Variants in WDPCP observed in about 807,000 individuals in gnomAD.
WDPCP encodes WD repeat-containing and planar cell polarity effector protein fritz homolog.
A neutral mutation model predicts 93.1 loss-of-function variants in WDPCP; 71 were observed. That is an observed-to-expected ratio of 0.76 (90% CI 0.63 to 0.93). WDPCP has a LOEUF of 0.93. Ranked by LOEUF, WDPCP falls within the 40% of genes least tolerant of loss-of-function variation. The pLI is 0.00. For missense variants in WDPCP, 844 were observed against 887.4 expected, an observed-to-expected ratio of 0.95 and a Z score of 0.62; for synonymous variants, 315 against 315.0, an observed-to-expected ratio of 1.00 and a Z score of 0.00.
chr2:63,358,267 A>G (rs1352724635), intron 12 of WDPCP, among the ~76,000 whole-genome samples: 1 of 152,054 alleles, frequency 6.6e-6, no homozygotes, highest in Non-Finnish European at 1.5e-5. Flanking sequence ...TCATGGTTGT[A>G]TTTGCATTCT....
At chr2:63,590,299 A>G (rs1709161564), upstream of WDPCP, 1 of 152,162 alleles carries the variant, frequency 6.6e-6, no homozygotes, top group Non-Finnish European at 1.5e-5. Flanking sequence ...GAGTTTATCG[A>G]GACCCAAAGA....
At chr2:63,224,818 T>C (rs1678147960) in intron 14 of WDPCP, among the ~76,000 whole-genome samples, 1 of 151,944 alleles carries the variant, frequency 6.6e-6, no homozygotes, top group Admixed American at 6.6e-5. Flanking sequence ...ATATATGTCA[T>C]TGTACATATA....
intron 3 of WDPCP, among the ~76,000 whole-genome samples, chr2:63,641,656 TAG>T (rs1709981670): frequency 6.6e-6 from 1 of 152,150 alleles, no homozygotes; most frequent in Non-Finnish European, 1.5e-5. Flanking sequence ...TTTTTCCCTA[TAG>T]AGTTGTTTGA....
intron 2 of WDPCP, among the ~76,000 whole-genome samples, chr2:63,687,244 G>A (rs1434591541): frequency 1.3e-5 from 2 of 152,166 alleles, no homozygotes; most frequent in Non-Finnish European, 2.9e-5. Flanking sequence ...AAAACATTGA[G>A]GAAACTCTTC....
chr2:63,186,584 G>A (rs1038529266), intron 14 of WDPCP, among the ~76,000 whole-genome samples: 7 of 152,230 alleles, frequency 4.6e-5, no homozygotes, highest in Admixed American at 6.5e-5. Flanking sequence ...TAGAAGGGCC[G>A]AGGTAGTTTC....
intron 2 of WDPCP, among the ~76,000 whole-genome samples, chr2:63,749,478 C>A (rs1199368322): frequency 3.9e-5 from 6 of 152,010 alleles, no homozygotes; most frequent in African/African-American, 7.2e-5. Flanking sequence ...CATTTGAGTA[C>A]CCATACAACC....
At chr2:63,500,828 T>G (rs761078867) in intron 1 of WDPCP, among the ~76,000 whole-genome samples, 13 of 152,234 alleles carry the variant, frequency 8.5e-5, no homozygotes, top group Non-Finnish European at 2.9e-5. Flanking sequence ...GAGTATTACA[T>G]AACTAATTGT....
chr2:63,649,494 G>C (rs1381792330), intron 3 of WDPCP, among the ~76,000 whole-genome samples: 2 of 152,168 alleles, frequency 1.3e-5, no homozygotes, highest in South Asian at 2.1e-4. Flanking sequence ...ATTGTGAATA[G>C]TGATGCTATA....
intron 17 of WDPCP, among the ~76,000 whole-genome samples, chr2:63,149,218 G>A (rs1024443933): frequency 1.3e-5 from 2 of 152,064 alleles, no homozygotes; most frequent in African/African-American, 4.8e-5. Flanking sequence ...ATAGGAATAG[G>A]CATTTCAAGG....
At chr2:63,198,262 C>A (rs1229490771) in intron 14 of WDPCP, among the ~76,000 whole-genome samples, 5 of 152,170 alleles carry the variant, frequency 3.3e-5, no homozygotes, top group African/African-American at 1.2e-4. Flanking sequence ...TACAGATTTT[C>A]TGCTCATTTC....
intron 13 of WDPCP, among the ~76,000 whole-genome samples, chr2:63,282,792 C>T (rs1324188625): frequency 6.6e-6 from 1 of 152,120 alleles, no homozygotes; most frequent in Non-Finnish European, 1.5e-5. Flanking sequence ...TGTCTCATGA[C>T]TTCCCCCACC....
chr2:63,206,086 G>A (rs1290553164), intron 14 of WDPCP, among the ~76,000 whole-genome samples: 4 of 152,048 alleles, frequency 2.6e-5, no homozygotes, highest in East Asian at 1.9e-4. Flanking sequence ...ATGATCATAC[G>A]GCTTTTGTCT....
chr2:63,316,095 A>G (rs1375924769), intron 12 of WDPCP, among the ~76,000 whole-genome samples: 1 of 152,172 alleles, frequency 6.6e-6, no homozygotes, highest in Non-Finnish European at 1.5e-5. Context: ...AATTGGTGAA[A>G]TAAAAGTGCA....
chr2:63,644,537 C>T lies in WDPCP; in HGVS notation n.488+6122G>A, dbSNP rs545293696. Among the ~76,000 whole-genome samples, 15 of 152,224 alleles carry T rather than the reference C, an allele frequency of 9.9e-5. No individual in the cohort carries two copies. The East Asian group carries it at 1.7e-3, about 18-fold the overall frequency. On this transcript the variant is annotated intron_variant and non_coding_transcript_variant, in intron 3 of 4. Coordinates refer to the WDPCP transcript ENST00000467687. ...GATTACAGGCGTGAGCCACCGTGCC[C>T]GGCCTCCCTTCTCCTCTATTTTTTA...
intron 1 of WDPCP, among the ~76,000 whole-genome samples, chr2:63,497,346 A>C (rs1701292951): frequency 6.6e-6 from 1 of 152,070 alleles, no homozygotes; most frequent in Non-Finnish European, 1.5e-5. Flanking sequence ...TTAGTAGATA[A>C]CTGGACTGGT....
intron 2 of WDPCP, among the ~76,000 whole-genome samples, chr2:63,797,135 T>C (rs1215080669): frequency 6.6e-6 from 1 of 152,098 alleles, no homozygotes; most frequent in Non-Finnish European, 1.5e-5. Context: ...CCAGGATTCA[T>C]TACCTGTTAA....
intron 14 of WDPCP, among the ~76,000 whole-genome samples, chr2:63,213,213 A>G (rs993682276): frequency 6.6e-6 from 1 of 152,242 alleles, no homozygotes; most frequent in Non-Finnish European, 1.5e-5. Flanking sequence ...AATTGACCAC[A>G]TAGTTGGAAG....
intron 17 of WDPCP, among the ~76,000 whole-genome samples, chr2:63,134,526 G>A (rs1246703512): frequency 6.6e-6 from 1 of 152,164 alleles, no homozygotes; most frequent in Non-Finnish European, 1.5e-5. Context: ...TTCATAGAAT[G>A]CTGTGTTTTC....
intron 6 of WDPCP, among the ~76,000 whole-genome samples, chr2:63,451,360 C>A (rs1278019104): frequency 2.0e-5 from 3 of 152,106 alleles, no homozygotes; most frequent in African/African-American, 7.2e-5. Context: ...TGGGTAAATT[C>A]TTCGACACAT....
Sources: allele counts gnomAD v4.1 joint callset (sites outside exome capture counted in the v4.1 genomes callset), GRCh38; gene constraint gnomAD v4.1.1; transcripts MANE v1.5; gene names NCBI Gene and HGNC (gene_info 2026-07-23, HGNC 2026-07-21).